Variants in NPEPPS observed in about 807,000 individuals in gnomAD.
NPEPPS encodes the protein puromycin-sensitive aminopeptidase.
NPEPPS carries 14 observed loss-of-function variants against 115.5 expected under a neutral mutation model. That is an observed-to-expected ratio of 0.12 (90% confidence interval 0.08 to 0.19). The LOEUF (loss-of-function observed/expected upper bound fraction) is 0.19. NPEPPS is among the 10% of genes least tolerant of loss of function. The probability of loss-of-function intolerance (pLI) is 1.00; values close to 1 mark genes in which losing one functional copy is unlikely to be tolerated. For missense variants in NPEPPS, 523 were observed against 1,110.8 expected, an observed-to-expected ratio of 0.47 and a Z score of 7.52; for synonymous variants, 285 against 390.6, an observed-to-expected ratio of 0.73 and a Z score of 3.19.
At chr17:47,595,803 G>A (rs1912827907) in intron 12 of NPEPPS, among the ~76,000 whole-genome samples, 1 of 151,926 alleles carries the variant, frequency 6.6e-6, no homozygotes, top group South Asian at 2.1e-4. Flanking sequence ...TCAACATGGC[G>A]AAACTCCATC....
chr17:47,546,043 G>GGTGTGTGTGT lies in NPEPPS; in HGVS notation c.340+72_340+81dup, dbSNP rs372434515. On this transcript the variant is annotated intron_variant, in intron 2 of 22. Transcript: ENST00000322157. ...TTGCTGTCTGCATGTGCATATGTGG[G>GGTGTGTGTGT]GTGTGTGTGTGTGTGTGTGTGTGTG... 3,157 of 1,212,878 alleles carry GGTGTGTGTGT rather than the reference G, an allele frequency of 2.6e-3. 43 individuals carry two copies. In the African/African-American group the frequency reaches 0.034, roughly 13 times the overall value. 75.1% of individuals were successfully genotyped at this position (1,212,878 alleles called of 1,614,324 possible). A position where few individuals can be genotyped will look rare whatever the true frequency, so the allele number is the denominator to read the frequency against.
chr17:47,550,291 T>C (rs1018554981), intron 2 of NPEPPS, among the ~76,000 whole-genome samples: 1 of 150,096 alleles, frequency 6.7e-6, no homozygotes, highest in Non-Finnish European at 1.5e-5. Context: ...TTTTGTGATA[T>C]GTGCAGTCAT....
In NPEPPS at chr17:47,613,979, AT is replaced by A. The variant is rs113187043; in HGVS notation, c.2295+268del. ...TTTTTGCATCTGAAATCTTATTATT[AT>A]TTTTTTTTTTTTTGAGACAAGGTCT... On this transcript the variant is annotated intron_variant, in intron 19 of 22. Transcript: ENST00000322157. Among the ~76,000 whole-genome samples the A allele has an allele frequency of 7.5e-3, 1,053 of 140,968 alleles. 7 individuals carry two copies. Among genetic ancestry groups the A allele is most frequent in the South Asian group, 0.019 (83 of 4,410 alleles). The allele number at this position is 140,968 out of a possible 152,430, so 92.5% of individuals were successfully genotyped here.
chr17:47,602,885 G>A (rs1913302478), intron 15 of NPEPPS, among the ~76,000 whole-genome samples: 1 of 151,818 alleles, frequency 6.6e-6, no homozygotes, highest in Admixed American at 6.6e-5. Flanking sequence ...GGAAGATTAT[G>A]TTGTAGCAAT....
At chr17:47,534,182 T>C (rs1342939979) in intron 1 of NPEPPS, among the ~76,000 whole-genome samples, 1 of 151,946 alleles carries the variant, frequency 6.6e-6, no homozygotes, top group East Asian at 1.9e-4. Flanking sequence ...AGCTCTGCCT[T>C]CCGGGTTCAC....
At chr17:47,535,242 C>CA (rs1163530675) in intron 1 of NPEPPS, among the ~76,000 whole-genome samples, 1,539 of 57,006 alleles carry the variant, frequency 0.027, 114 homozygotes, top group Middle Eastern at 0.04. Flanking sequence ...GACTCTGTCT[C>CA]AAAAAAAAAA....
chr17:47,602,612 T>C (rs918749203), intron 15 of NPEPPS, among the ~76,000 whole-genome samples: 1 of 133,596 alleles, frequency 7.5e-6, no homozygotes, highest in Non-Finnish European at 1.5e-5. Flanking sequence ...CACTCCAGCC[T>C]GGGTGACAGG....
chr17:47,617,403 A>ACT (rs1914273850), intron 19 of NPEPPS, among the ~76,000 whole-genome samples: 1 of 151,950 alleles, frequency 6.6e-6, no homozygotes, highest in East Asian at 1.9e-4. Flanking sequence ...TGTTGTCCAG[A>ACT]CTGGAGTGCA....
intron 22 of NPEPPS, 87 bp from the exon 23 acceptor site, chr17:47,621,681 A>AT (rs2144001962): frequency 7.6e-7 from 1 of 1,318,666 alleles, no homozygotes; most frequent in African/African-American, 1.4e-5. Flanking sequence ...CATCCTTCAT[A>AT]TAGACCAGTG....
At chr17:47,555,495 G>A (rs1017829627) in intron 2 of NPEPPS, among the ~76,000 whole-genome samples, 1 of 151,532 alleles carries the variant, frequency 6.6e-6, no homozygotes, top group Non-Finnish European at 1.5e-5. Context: ...TTACAGGCAT[G>A]CACCACCACA....
At chr17:47,548,734 A>G (rs1909420609) in intron 2 of NPEPPS, among the ~76,000 whole-genome samples, 1 of 150,480 alleles carries the variant, frequency 6.6e-6, no homozygotes, top group Non-Finnish European at 1.5e-5. Context: ...GTGCCACCAC[A>G]CCCGGCTAAT....
chr17:47,612,773 C>T (rs1356644508), intron 18 of NPEPPS, among the ~76,000 whole-genome samples, 171 bp downstream of exon 18: 1 of 151,660 alleles, frequency 6.6e-6, no homozygotes, highest in Non-Finnish European at 1.5e-5. Flanking sequence ...CAGTGATTCT[C>T]CTGCCTCAGC....
chr17:47,611,163 T>TA (rs1413120413), intron 17 of NPEPPS, among the ~76,000 whole-genome samples: 1 of 151,826 alleles, frequency 6.6e-6, no homozygotes, highest in Non-Finnish European at 1.5e-5. Context: ...TTTGTTTTTT[T>TA]AAGAGACAGG....
chr17:47,614,234 G>T (rs1173327025), intron 19 of NPEPPS, among the ~76,000 whole-genome samples: 5 of 152,150 alleles, frequency 3.3e-5, no homozygotes, highest in Non-Finnish European at 5.9e-5. Context: ...CTCCCAAAGT[G>T]CTGGGATTAC....
intron 17 of NPEPPS, among the ~76,000 whole-genome samples, chr17:47,606,583 G>T (rs895672712): frequency 6.6e-6 from 1 of 151,668 alleles, no homozygotes; most frequent in African/African-American, 2.4e-5. Flanking sequence ...TCAGCCTCCC[G>T]AGTAGCATAC....
chr17:47,594,102 CT>C (rs1188097966), intron 12 of NPEPPS, among the ~76,000 whole-genome samples: 1 of 152,114 alleles, frequency 6.6e-6, no homozygotes, highest in African/African-American at 2.4e-5. Context: ...CTGCAGTGAG[CT>C]GTGATTGGGC....
chr17:47,594,589 ATTT>A (rs1912729837), intron 12 of NPEPPS, among the ~76,000 whole-genome samples: 1 of 115,298 alleles, frequency 8.7e-6, no homozygotes, highest in Non-Finnish European at 1.8e-5. Context: ...TTTGTATTTT[ATTT>A]TATGTTATGT....
At chr17:47,580,612 A>G (rs1305199531) in intron 4 of NPEPPS, 1 of 152,060 alleles carries the variant, frequency 6.6e-6, no homozygotes, top group African/African-American at 2.4e-5. Flanking sequence ...ACATAATATT[A>G]CAGAATACCA....
At chr17:47,589,278 T>A (rs1912367770) in intron 9 of NPEPPS, among the ~76,000 whole-genome samples, 1 of 152,104 alleles carries the variant, frequency 6.6e-6, no homozygotes, top group South Asian at 2.1e-4. Flanking sequence ...GGATGGAGAA[T>A]GGGATCTCAC....
Sources: allele counts gnomAD v4.1 joint callset (sites outside exome capture counted in the v4.1 genomes callset), GRCh38; gene constraint gnomAD v4.1.1; transcripts MANE v1.5; gene names NCBI Gene and HGNC (gene_info 2026-07-23, HGNC 2026-07-21).